The following TRAF2 variants were observed in gnomAD, a reference collection of about 807,000 sequenced individuals.
TRAF2 encodes the protein TNF receptor-associated factor 2.
TRAF2 carries 6 observed loss-of-function variants against 55.6 expected under a neutral mutation model. The ratio of observed to expected loss-of-function variants is 0.11; its 90% CI spans 0.06 to 0.21. The LOEUF is 0.21. Among genes scored for constraint, TRAF2 ranks in the 10% least tolerant of loss-of-function variants. The pLI, the probability that TRAF2 is intolerant of heterozygous loss-of-function variation, is 1.00. For synonymous variants in TRAF2, 329 were observed against 276.3 expected, an observed-to-expected ratio of 1.19 and a Z score of -1.89; for missense variants, 561 against 684.5, an observed-to-expected ratio of 0.82 and a Z score of 2.01.
At chr9:136,922,470 G>T in intron 9 of TRAF2, 1 of 152,876 alleles carries the variant, frequency 6.5e-6, no homozygotes. Context: ...CCACGGAGGT[G>T]GTCTTCTTGG....
At chr9:136,887,135 C>CCCT (rs1849471446) in intron 1 of TRAF2, among the ~76,000 whole-genome samples, 1 of 152,180 alleles carries the variant, frequency 6.6e-6, no homozygotes, top group East Asian at 1.9e-4. Flanking sequence ...GGTGAAAAGT[C>CCCT]CCTCTGGCTG....
At chr9:136,907,946 C>CG in intron 4 of TRAF2, 124 bp from the exon 5 acceptor site, 4 of 1,239,330 alleles carry the variant, frequency 3.2e-6, no homozygotes, top group Non-Finnish European at 4.5e-6. Flanking sequence ...CTGCAGAGGG[C>CG]GGCCCCCAGG....
intron 6 of TRAF2, among the ~76,000 whole-genome samples, chr9:136,914,904 G>A (rs934066811): frequency 3.9e-5 from 6 of 152,088 alleles, no homozygotes; most frequent in African/African-American, 1.4e-4. Flanking sequence ...AAAAGGCCGG[G>A]TGCGGTGGCT....
In TRAF2 at chr9:136,902,220, G is replaced by C. The variant is rs552123389; in HGVS notation, c.366+1700G>C. 2.0e-5 allele frequency: 3 copies of C among 152,456 alleles called. No homozygotes were observed. In the South Asian group the frequency reaches 6.2e-4, roughly 32 times the overall value. The allele number at this position is 152,456 out of a possible 1,614,324, so 9.4% of individuals were successfully genotyped here. On this transcript the variant is annotated intron_variant, in intron 4 of 10. Transcript: ENST00000247668. ...TTGTACCCCCCACTCCCTGCTCCTTGAAAGAGATGCAGCTTGGTCATTGCC... is the reference window on the plus strand; with the variant it reads ...TTGTACCCCCCACTCCCTGCTCCTTCAAAGAGATGCAGCTTGGTCATTGCC...
At chr9:136,890,033 G>A (rs1422564916) in intron 1 of TRAF2, among the ~76,000 whole-genome samples, 2 of 144,870 alleles carry the variant, frequency 1.4e-5, no homozygotes, top group East Asian at 2.0e-4. Context: ...CACCGCGTGT[G>A]TGAGTCCCCC....
chr9:136,919,621 T>G (rs1046258846), intron 7 of TRAF2, among the ~76,000 whole-genome samples: 4 of 151,646 alleles, frequency 2.6e-5, no homozygotes, highest in Non-Finnish European at 5.9e-5. Flanking sequence ...AAATGGTGTG[T>G]TGCTTTTATT....
chr9:136,910,365 G>C (rs1050817702), intron 6 of TRAF2, among the ~76,000 whole-genome samples: 1 of 152,240 alleles, frequency 6.6e-6, no homozygotes, highest in African/African-American at 2.4e-5. Flanking sequence ...AGCGGTTGGG[G>C]TGGAGACTGG....
Position 136,923,774 on chromosome 9 carries a change from G to T in TRAF2, c.1139-78G>T, listed in dbSNP as rs572411013. On this transcript the variant is annotated intron_variant, in intron 9 of 10. Coordinates refer to ENST00000247668, the MANE Select transcript of TRAF2 (RefSeq NM_021138.4). The stretch of plus-strand genomic sequence containing the variant: ...TTTGTAGGTGTTTTTGTCCCTGGGG[G>T]AGGGCAGCCAGGCAGGAAGAGCCCT... The T allele has an allele frequency of 6.7e-6, 10 of 1,498,730 alleles. No individual in the cohort carries two copies. The African/African-American group carries it at 9.6e-5, about 14-fold the overall frequency. The allele number at this position is 1,498,730 out of a possible 1,614,324, so 92.8% of individuals were successfully genotyped here. A position where few individuals can be genotyped will look rare whatever the true frequency, so the allele number is the denominator to read the frequency against.
At chr9:136,893,111 T>C (rs938172531) in intron 1 of TRAF2, among the ~76,000 whole-genome samples, 1 of 152,150 alleles carries the variant, frequency 6.6e-6, no homozygotes, top group Admixed American at 6.6e-5. Context: ...ACGGCTGGTA[T>C]GCATCTGTGA....
At chr9:136,904,561 A>C (rs1195972866) in intron 4 of TRAF2, among the ~76,000 whole-genome samples, 1 of 149,784 alleles carries the variant, frequency 6.7e-6, no homozygotes, top group Non-Finnish European at 1.5e-5. Context: ...GCTCACCACC[A>C]CTCTCGGCTA....
At chr9:136,891,784 C>T (rs1351856119) in intron 1 of TRAF2, among the ~76,000 whole-genome samples, 1 of 150,532 alleles carries the variant, frequency 6.6e-6, no homozygotes, top group Non-Finnish European at 1.5e-5. Context: ...AGCAGTGGTG[C>T]GATCTTGACT....
At chr9:136,890,144 G>A (rs1164151987) in intron 1 of TRAF2, among the ~76,000 whole-genome samples, 3 of 138,060 alleles carry the variant, frequency 2.2e-5, no homozygotes, top group Non-Finnish European at 3.1e-5. Flanking sequence ...TCGTTCAGCC[G>A]GTCACCGTGT....
chr9:136,894,790 C>G (rs939158325), intron 1 of TRAF2, among the ~76,000 whole-genome samples: 3 of 152,106 alleles, frequency 2.0e-5, no homozygotes, highest in African/African-American at 7.2e-5. Flanking sequence ...TGGAATTGGC[C>G]TGTGATTGGA....
upstream of TRAF2, among the ~76,000 whole-genome samples, chr9:136,883,149 C>T (rs1037088316): frequency 1.3e-5 from 2 of 152,166 alleles, no homozygotes; most frequent in South Asian, 4.1e-4. Context: ...GGATTACAGG[C>T]GTGAGCCACC....
At chr9:136,911,846 CTTTTTTT>C (rs71492143) in intron 6 of TRAF2, among the ~76,000 whole-genome samples, 6 of 71,452 alleles carry the variant, frequency 8.4e-5, no homozygotes, top group East Asian at 5.0e-4. Context: ...TCTCTTATCT[CTTTTTTT>C]TTTTTTTTTT....
chr9:136,904,780 G>GAATAGTTGCTTCATAAAAGCTAT (rs11272754), intron 4 of TRAF2, among the ~76,000 whole-genome samples: 4 of 151,762 alleles, frequency 2.6e-5, no homozygotes, highest in African/African-American at 9.7e-5. Flanking sequence ...TCATAAGCCA[G>GAATAGTTGCTTCATAAAAGCTAT]AATAGTTGCT....
chr9:136,916,848 G>C (rs1295677760), intron 7 of TRAF2, among the ~76,000 whole-genome samples: 1 of 152,114 alleles, frequency 6.6e-6, no homozygotes, highest in Admixed American at 6.5e-5. Context: ...ACCTGTCTCT[G>C]AGGATGCCCA....
upstream of TRAF2, chr9:136,886,284 C>T (rs1021390533): frequency 1.8e-6 from 1 of 565,152 alleles, no homozygotes; most frequent in Non-Finnish European, 2.2e-6. Flanking sequence ...ACTTAGGTAC[C>T]CACGCCGTCT....
chr9:136,907,712 A>T (rs1849987854), intron 4 of TRAF2, among the ~76,000 whole-genome samples: 1 of 152,084 alleles, frequency 6.6e-6, no homozygotes, highest in Admixed American at 6.6e-5. Context: ...TTTCTCGGTT[A>T]GGAGCTGGTG....
Sources: allele counts gnomAD v4.1 joint callset (sites outside exome capture counted in the v4.1 genomes callset), GRCh38; gene constraint gnomAD v4.1.1; transcripts MANE v1.5; gene names NCBI Gene and HGNC (gene_info 2026-07-23, HGNC 2026-07-21).